CYYR1: variants seen among roughly 807,000 people sequenced by gnomAD.
CYYR1 encodes cysteine and tyrosine-rich protein 1.
CYYR1 carries 14 observed loss-of-function variants against 15.2 expected under a neutral mutation model. The observed-to-expected ratio is 0.92, with a 90% CI of 0.61 to 1.44. CYYR1 has a LOEUF of 1.44. CYYR1 is among the 40% of genes most tolerant of loss of function. The probability of loss-of-function intolerance (pLI) is 0.00; values close to 1 mark genes in which losing one functional copy is unlikely to be tolerated. For synonymous variants in CYYR1, 80 were observed against 77.4 expected (o/e 1.03, Z -0.18); for missense variants, 228 against 209.5 (o/e 1.09, Z -0.54).
chr21:26,488,718 C>T (rs192116915), intron 2 of CYYR1, among the ~76,000 whole-genome samples: 2 of 152,190 alleles, frequency 1.3e-5, no homozygotes, highest in Admixed American at 6.5e-5. Context: ...TTCTGTCTTA[C>T]CTTCCTTTCA....
intron 2 of CYYR1, among the ~76,000 whole-genome samples, chr21:26,530,488 G>A (rs1261576795): frequency 6.6e-6 from 1 of 151,814 alleles, no homozygotes; most frequent in Non-Finnish European, 1.5e-5. Flanking sequence ...TATACTTTAA[G>A]TTCTGGGATA....
At chr21:26,526,570 A>G (rs2065869115) in intron 2 of CYYR1, among the ~76,000 whole-genome samples, 1 of 152,256 alleles carries the variant, frequency 6.6e-6, no homozygotes, top group Non-Finnish European at 1.5e-5. Flanking sequence ...AACCATTTGA[A>G]TTATTTTATA....
chr21:26,540,144 T>C (rs1213005476), intron 2 of CYYR1, among the ~76,000 whole-genome samples: 3 of 152,290 alleles, frequency 2.0e-5, no homozygotes, highest in East Asian at 3.9e-4. Context: ...AGTTTCTTTT[T>C]TGGTAGAGTG....
intron 2 of CYYR1, among the ~76,000 whole-genome samples, chr21:26,530,790 A>G (rs563931803): frequency 2.6e-5 from 4 of 152,044 alleles, no homozygotes; most frequent in Non-Finnish European, 5.9e-5. Flanking sequence ...AAGGACATGA[A>G]CTCATCCTTT....
intron 2 of CYYR1, among the ~76,000 whole-genome samples, chr21:26,503,371 CTGAG>C (rs893630240): frequency 2.6e-5 from 4 of 151,996 alleles, no homozygotes; most frequent in East Asian, 3.9e-4. Flanking sequence ...CAGTATATTA[CTGAG>C]TATTATATTT....
rs219643 is a variant in CYYR1, at chr21:26,468,248, C to T, written c.*253G>A. On this transcript the variant is annotated 3_prime_UTR_variant, in exon 4 of 4. Coordinates refer to ENST00000652641, the MANE Select transcript of CYYR1 (RefSeq NM_001320768.2). ...TATTTTGTCAATTACATTACTCTTC[C>T]CTGAATGTGCTTAGGTGGATCAGCA... is the stretch of plus-strand genomic sequence containing the variant. 0.082 allele frequency: 39,733 copies of T among 486,304 alleles called. 2,779 individuals are homozygous for T. Among genetic ancestry groups the T allele is most frequent in the African/African-American group, 0.24 (12,342 of 51,140 alleles). The allele number at this position is 486,304 out of a possible 1,614,324, so 30.1% of individuals were successfully genotyped here.
chr21:26,558,679 T>C (rs534007277), intron 2 of CYYR1, among the ~76,000 whole-genome samples: 40 of 152,282 alleles, frequency 2.6e-4, no homozygotes, highest in Admixed American at 1.8e-3. Context: ...TGACATGTGT[T>C]TGTTTTCATA....
intron 2 of CYYR1, among the ~76,000 whole-genome samples, chr21:26,507,098 T>A (rs2065577853): frequency 6.6e-6 from 1 of 151,778 alleles, no homozygotes; most frequent in African/African-American, 2.4e-5. Flanking sequence ...TGCTCAAGGG[T>A]TCATTTTATT....
chr21:26,481,274 T>C (rs1287106242), intron 2 of CYYR1, among the ~76,000 whole-genome samples: 1 of 152,048 alleles, frequency 6.6e-6, no homozygotes, highest in Non-Finnish European at 1.5e-5. Context: ...CACATAAGCA[T>C]AAATACTATA....
At chr21:26,513,464 A>C (rs1356386742) in intron 2 of CYYR1, among the ~76,000 whole-genome samples, 1 of 152,010 alleles carries the variant, frequency 6.6e-6, no homozygotes, top group East Asian at 1.9e-4. Context: ...GTGGTGTGGC[A>C]AAAGATCCAA....
At chr21:26,567,284 G>T (rs222970) in intron 1 of CYYR1, among the ~76,000 whole-genome samples, 135,021 of 152,234 alleles carry the variant, frequency 0.89, 59,918 homozygotes, top group Middle Eastern at 0.93. Context: ...GAAATCCCCA[G>T]AGACAATTAT....
chr21:26,522,434 T>G (rs75522436), intron 2 of CYYR1, among the ~76,000 whole-genome samples: 5,742 of 152,312 alleles, frequency 0.038, 185 homozygotes, highest in South Asian at 0.15. Flanking sequence ...GCAAAGATGG[T>G]ATTTTTAAGG....
chr21:26,560,439 C>T (rs574234306), intron 2 of CYYR1, among the ~76,000 whole-genome samples: 109 of 152,266 alleles, frequency 7.2e-4, no homozygotes, highest in African/African-American at 2.4e-3. Flanking sequence ...GCTGATTGCA[C>T]TGGCCAGGAC....
intron 2 of CYYR1, among the ~76,000 whole-genome samples, chr21:26,506,072 T>C (rs534740173): frequency 7.2e-5 from 11 of 152,286 alleles, no homozygotes; most frequent in African/African-American, 2.4e-4. Context: ...GCATCCGTCA[T>C]CTCAATAGGC....
At chr21:26,530,466 A>T (rs1187010272) in intron 2 of CYYR1, among the ~76,000 whole-genome samples, 1 of 151,662 alleles carries the variant, frequency 6.6e-6, no homozygotes, top group Non-Finnish European at 1.5e-5. Flanking sequence ...TATTAATTTT[A>T]TTTTTTTTAA....
At chr21:26,562,398 G>A (rs954496134) in intron 2 of CYYR1, among the ~76,000 whole-genome samples, 2 of 151,974 alleles carry the variant, frequency 1.3e-5, no homozygotes, top group African/African-American at 2.4e-5. Flanking sequence ...ATATAAAATC[G>A]GATATCTGAT....
Position 26,466,862 on chromosome 21 carries a change from C to G in CYYR1, c.*1639G>C, listed in dbSNP as rs558722037. 3 of 152,282 alleles carry G rather than the reference C, an allele frequency of 2.0e-5. No homozygotes were observed. The South Asian group carries it at 6.2e-4, about 32-fold the overall frequency. 9.4% of individuals were successfully genotyped at this position (152,282 alleles called of 1,614,324 possible). A position where few individuals can be genotyped will look rare whatever the true frequency, so the allele number is the denominator to read the frequency against. On this transcript the variant is annotated 3_prime_UTR_variant, in exon 4 of 4. Coordinates refer to ENST00000652641, the MANE Select transcript of CYYR1 (RefSeq NM_001320768.2). ...GCATCCTCATATATAAGAAAATCAT[C>G]AGTGCTTAAAGATCAAGGAACTCAT...
chr21:26,506,042 A>G (rs537479881), intron 2 of CYYR1, among the ~76,000 whole-genome samples: 126 of 152,238 alleles, frequency 8.3e-4, no homozygotes, highest in Non-Finnish European at 1.3e-3. Context: ...TGGAACCATG[A>G]CCACACCAAC....
chr21:26,508,628 T>G (rs542529896), intron 2 of CYYR1, among the ~76,000 whole-genome samples: 14 of 152,276 alleles, frequency 9.2e-5, no homozygotes, highest in Non-Finnish European at 1.8e-4. Flanking sequence ...GGTACTGAGG[T>G]GGAAATGACA....
Sources: allele counts gnomAD v4.1 joint callset (sites outside exome capture counted in the v4.1 genomes callset), GRCh38; gene constraint gnomAD v4.1.1; transcripts MANE v1.5; gene names NCBI Gene and HGNC (gene_info 2026-07-23, HGNC 2026-07-21).